The following ENOX1 variants were observed in gnomAD, a reference collection of about 807,000 sequenced individuals.
ENOX1 encodes the protein candidate growth-related and time keeping constitutive hydroquinone (NADH) oxidase.
In ENOX1, 42 loss-of-function variants were observed where a neutral mutation model predicts 82.5. That is an observed-to-expected ratio of 0.51 (90% CI 0.40 to 0.66). The LOEUF is 0.66. Ranked by LOEUF, ENOX1 falls within the 30% of genes least tolerant of loss-of-function variation. The probability of loss-of-function intolerance (pLI) is 0.00; values close to 1 mark genes in which losing one functional copy is unlikely to be tolerated. For missense variants in ENOX1, 608 were observed against 811.6 expected (o/e 0.75, Z 3.05); for synonymous variants, 271 against 282.2 (o/e 0.96, Z 0.40).
At chr13:43,417,414 T>A (rs1218247945) in intron 3 of ENOX1, among the ~76,000 whole-genome samples, 1 of 152,210 alleles carries the variant, frequency 6.6e-6, no homozygotes, top group Non-Finnish European at 1.5e-5. Flanking sequence ...TTAAGTTGAT[T>A]CGGTCACTCA....
chr13:43,659,185 CT>C (rs1251473522), intron 2 of ENOX1, among the ~76,000 whole-genome samples: 1 of 151,920 alleles, frequency 6.6e-6, no homozygotes, highest in Non-Finnish European at 1.5e-5. Context: ...CTGATGATTT[CT>C]TTTTTCAGAT....
intron 2 of ENOX1, among the ~76,000 whole-genome samples, chr13:43,608,039 T>C (rs2082046423): frequency 6.6e-6 from 1 of 152,196 alleles, no homozygotes; most frequent in African/African-American, 2.4e-5. Context: ...TGGGAATCAT[T>C]CCATCATGTG....
intron 2 of ENOX1, among the ~76,000 whole-genome samples, chr13:43,497,786 G>A (rs938357335): frequency 1.3e-5 from 2 of 151,920 alleles, no homozygotes; most frequent in Admixed American, 6.6e-5. Flanking sequence ...TCTATTTCCC[G>A]TCTTTGTTTA....
At chr13:43,762,549 T>C (rs1033574861) in intron 1 of ENOX1, among the ~76,000 whole-genome samples, 1 of 152,112 alleles carries the variant, frequency 6.6e-6, no homozygotes, top group Non-Finnish European at 1.5e-5. Flanking sequence ...CAAAACACAA[T>C]ATAGAAAGAA....
chr13:43,552,768 C>T (rs2079260302), intron 2 of ENOX1, among the ~76,000 whole-genome samples: 1 of 152,144 alleles, frequency 6.6e-6, no homozygotes, highest in South Asian at 2.1e-4. Flanking sequence ...TGTCTTAATA[C>T]ATGAAGGTAA....
chr13:43,434,937 G>GTTTGTTT (rs1555273075), intron 3 of ENOX1, among the ~76,000 whole-genome samples: 5 of 75,892 alleles, frequency 6.6e-5, no homozygotes, highest in African/African-American at 1.6e-4. Context: ...TGTGTGTGTG[G>GTTTGTTT]TTTTTTTTTT....
chr13:43,679,892 A>AG (rs1273079260), intron 1 of ENOX1, among the ~76,000 whole-genome samples: 2 of 152,250 alleles, frequency 1.3e-5, no homozygotes, highest in African/African-American at 4.8e-5. Flanking sequence ...CTCTCACCTG[A>AG]ATACCATATA....
chr13:43,642,398 G>A (rs1178943162), intron 2 of ENOX1, among the ~76,000 whole-genome samples: 1 of 152,164 alleles, frequency 6.6e-6, no homozygotes, highest in East Asian at 1.9e-4. Context: ...CCAATAAGGT[G>A]AAGAATAGGA....
In ENOX1 at chr13:43,361,502, G is replaced by A. The variant is rs376899096; in HGVS notation, c.209-50C>T. 71 of 1,548,182 alleles carry A rather than the reference G, an allele frequency of 4.6e-5. No homozygotes were observed. The African/African-American group carries it at 7.8e-4, about 17-fold the overall frequency. On this transcript the variant is annotated intron_variant, in intron 5 of 16. Coordinates refer to ENST00000690772, the MANE Select transcript of ENOX1 (RefSeq NM_001347969.2). ...TTGACTGGAGATTAAATCCATTTTT[G>A]TTGTTGTTTTTGCCATTTTCCTGTG...
intron 2 of ENOX1, among the ~76,000 whole-genome samples, chr13:43,629,800 T>C (rs951278007): frequency 6.6e-6 from 1 of 152,200 alleles, no homozygotes; most frequent in African/African-American, 2.4e-5. Context: ...ACTTTTTTTA[T>C]AGAAAATTCT....
rs138978304 is a variant in ENOX1 at position 43,298,357 on chromosome 13, C to T, written c.1435G>A (p.Gly479Ser). The change falls in exon 12 of 17, where the codon GGC (glycine) becomes AGC (serine). Residue 479 changes from glycine to serine, a missense_variant. Transcript: ENST00000690772. ...QLQFLQQTMQ[G>S]MQQQLLTIQE... ...TCTGGGCCAGGTACCTGCTGCATGC[C>T]TTGCATGGTTTGCTGCAGAAACTGC... 1 of 1,608,444 alleles carries T rather than the reference C, an allele frequency of 6.2e-7. No homozygotes were observed. The highest frequency in any genetic ancestry group is 1.7e-5 in the Admixed American group (1 of 59,454).
At chr13:43,326,601 TAGG>T in intron 9 of ENOX1, 76 bp from the exon 10 acceptor site, 1 of 1,118,332 alleles carries the variant, frequency 8.9e-7, no homozygotes, top group Non-Finnish European at 1.4e-6. Flanking sequence ...GCAAAGACAC[TAGG>T]AGTCTATGGA....
intron 9 of ENOX1, among the ~76,000 whole-genome samples, chr13:43,331,260 G>T (rs551374668): frequency 6.6e-6 from 1 of 152,170 alleles, no homozygotes. Flanking sequence ...ATGTCTTGCC[G>T]ACTGCCTTCT....
Position 43,361,422 on chromosome 13 carries a change from C to T in ENOX1, c.239G>A (p.Ser80Asn). The T allele has an allele frequency of 6.2e-7, 1 of 1,612,698 alleles. No homozygotes were observed. The highest frequency in any genetic ancestry group is 8.5e-7 in the Non-Finnish European group (1 of 1,179,676). ...GGTGATTCCAGTCATCATGTTGAGGCTTGGATCAAAGCCTGGGACACAGAT... is the reference window on the plus strand; with the variant it reads ...GGTGATTCCAGTCATCATGTTGAGGTTTGGATCAAAGCCTGGGACACAGAT... The part of the protein sequence containing the change: ...DSICVPGFDP[S>N]LNMMTGITPI... The change falls in exon 6 of 17, where the codon AGC becomes AAC. Residue 80 changes from serine (S) to asparagine (N), a missense_variant. By Grantham distance (46) the Ser-to-Asn change is conservative. Coordinates refer to ENST00000690772, the MANE Select transcript of ENOX1 (RefSeq NM_001347969.2).
intron 5 of ENOX1, among the ~76,000 whole-genome samples, chr13:43,364,535 T>C (rs2050725467): frequency 6.6e-6 from 1 of 151,638 alleles, no homozygotes; most frequent in African/African-American, 2.4e-5. Context: ...CTGTTCCCAG[T>C]TGGACGAGAT....
chr13:43,706,184 A>T (rs187546701), intron 1 of ENOX1, among the ~76,000 whole-genome samples: 1 of 152,014 alleles, frequency 6.6e-6, no homozygotes. Flanking sequence ...GCTTATATTT[A>T]AAAAAGTAAG....
Position 43,516,116 on chromosome 13 carries a change from A to G in ENOX1, c.-218-31964T>C, listed in dbSNP as rs148150733. 3.8e-3 allele frequency among the ~76,000 whole-genome samples: 576 copies of G among 152,304 alleles called. 3 individuals carry two copies. The highest frequency in any genetic ancestry group is 0.013 in the African/African-American group (527 of 41,576). ...CGGGAACTCCATAGATGCTTGTGGA[A>G]TAAGTGAATGGTGGAATATACAGTA... On this transcript the variant is annotated intron_variant, in intron 2 of 16. Coordinates refer to ENST00000690772, the MANE Select transcript of ENOX1 (RefSeq NM_001347969.2).
intron 15 of ENOX1, among the ~76,000 whole-genome samples, chr13:43,226,890 T>TGGGGTGACAAGGGTGTATAA (rs2042050814): frequency 2.6e-5 from 4 of 152,160 alleles, no homozygotes; most frequent in African/African-American, 9.7e-5. Context: ...CTGCAGACTT[T>TGGGGTGACAAGGGTGTATAA]GGGGTGACAA....
intron 2 of ENOX1, among the ~76,000 whole-genome samples, chr13:43,579,462 A>G (rs1022453429): frequency 5.3e-5 from 8 of 152,240 alleles, no homozygotes; most frequent in African/African-American, 1.9e-4. Flanking sequence ...CACTTCCCAG[A>G]TGCAAAGACA....
Sources: gnomAD v4.1 joint callset for allele counts (sites outside exome capture counted in the v4.1 genomes callset) on GRCh38, gnomAD v4.1.1 for gene constraint, MANE v1.5 for transcripts, NCBI Gene and HGNC (gene_info 2026-07-23, HGNC 2026-07-21) for gene names.